The following ERBB4 variants were observed in gnomAD, a reference collection of about 807,000 sequenced individuals.
The protein encoded by ERBB4 is receptor tyrosine-protein kinase erbB-4.
ERBB4 carries 42 observed loss-of-function variants against 158.0 expected under a neutral mutation model. That is an observed-to-expected ratio of 0.27 (90% CI 0.21 to 0.34). The LOEUF (loss-of-function observed/expected upper bound fraction) is 0.34. ERBB4 is among the 10% of genes least tolerant of loss of function. The pLI, the probability that ERBB4 is intolerant of heterozygous loss-of-function variation, is 1.00. For synonymous variants in ERBB4, 583 were observed against 558.7 expected, an observed-to-expected ratio of 1.04 and a Z score of -0.61; for missense variants, 1,333 against 1,624.1, an observed-to-expected ratio of 0.82 and a Z score of 3.08.
At chr2:211,730,727 G>C (rs1419918320) in intron 5 of ERBB4, among the ~76,000 whole-genome samples, 1 of 151,988 alleles carries the variant, frequency 6.6e-6, no homozygotes, top group Non-Finnish European at 1.5e-5. Flanking sequence ...GCAGAATATA[G>C]AGTAGTTTCA....
At chr2:212,231,101 T>C (rs1469494665) in intron 1 of ERBB4, among the ~76,000 whole-genome samples, 1 of 152,170 alleles carries the variant, frequency 6.6e-6, no homozygotes, top group African/African-American at 2.4e-5. Flanking sequence ...AAATACCTTA[T>C]TTCAATGATT....
At chr2:212,240,860 T>C (rs2106013906) in intron 1 of ERBB4, among the ~76,000 whole-genome samples, 1 of 152,102 alleles carries the variant, frequency 6.6e-6, no homozygotes, top group Non-Finnish European at 1.5e-5. Context: ...AAGCCTTCCA[T>C]GTCTTGCAAG....
In ERBB4 at chr2:211,725,059, A is replaced by G. The variant is rs370214688; in HGVS notation, c.741+17T>C. ...AAAGGAGAGCAGGATAATAAAAGAGAGAAATCACAGACATACAAAGCAGTC... is the reference window on the plus strand; with the variant it reads ...AAAGGAGAGCAGGATAATAAAAGAGGGAAATCACAGACATACAAAGCAGTC... On this transcript the variant is annotated intron_variant, in intron 6 of 27. Coordinates refer to ENST00000342788, the MANE Select transcript of ERBB4 (RefSeq NM_005235.3). The G allele has an allele frequency of 5.3e-6, 8 of 1,499,360 alleles. No individual in the cohort carries two copies. The African/African-American group carries it at 1.1e-4, about 21-fold the overall frequency. The allele number at this position is 1,499,360 out of a possible 1,614,324, so 92.9% of individuals were successfully genotyped here. A position where few individuals can be genotyped will look rare whatever the true frequency, so the allele number is the denominator to read the frequency against.
At chr2:211,722,930 C>G (rs999851231) in intron 6 of ERBB4, among the ~76,000 whole-genome samples, 3 of 152,180 alleles carry the variant, frequency 2.0e-5, no homozygotes, top group African/African-American at 7.2e-5. Context: ...TTAAAGAGTT[C>G]CATATCCCAA....
At chr2:211,640,982 T>C (rs115322958) in intron 16 of ERBB4, among the ~76,000 whole-genome samples, 38 of 152,266 alleles carry the variant, frequency 2.5e-4, no homozygotes, top group African/African-American at 7.9e-4. Context: ...GAGAAGTTTT[T>C]AGTTCTTTTT....
chr2:211,776,833 A>G (rs1432941047), intron 4 of ERBB4, among the ~76,000 whole-genome samples: 2 of 152,150 alleles, frequency 1.3e-5, no homozygotes, highest in African/African-American at 2.4e-5. Context: ...AAGGTATTAT[A>G]TTAGTATTAG....
intron 2 of ERBB4, among the ~76,000 whole-genome samples, chr2:212,051,272 T>C (rs2077391050): frequency 6.6e-6 from 1 of 152,138 alleles, no homozygotes; most frequent in Non-Finnish European, 1.5e-5. Context: ...TATTTTAAAG[T>C]AATGTCTTTA....
At chr2:212,053,433 C>T (rs904022239) in intron 2 of ERBB4, among the ~76,000 whole-genome samples, 2 of 152,116 alleles carry the variant, frequency 1.3e-5, no homozygotes, top group Non-Finnish European at 2.9e-5. Context: ...TCCTCTGCCA[C>T]CTCATAGTAT....
At chr2:211,419,694 A>T (rs896191696) in intron 25 of ERBB4, among the ~76,000 whole-genome samples, 41 of 152,090 alleles carry the variant, frequency 2.7e-4, no homozygotes, top group Admixed American at 2.1e-3. Context: ...CAGAAGTTGT[A>T]TCAAAATTCT....
intron 1 of ERBB4, among the ~76,000 whole-genome samples, chr2:212,284,811 G>C (rs1574597053): frequency 6.6e-6 from 1 of 151,956 alleles, no homozygotes; most frequent in African/African-American, 2.4e-5. Context: ...CTGCATAAAG[G>C]TGTTTACAAA....
chr2:212,089,563 G>A (rs913872071), intron 2 of ERBB4, among the ~76,000 whole-genome samples: 4 of 152,116 alleles, frequency 2.6e-5, no homozygotes, highest in African/African-American at 9.7e-5. Flanking sequence ...CTGCTCATGA[G>A]ATCTGGTTGT....
chr2:211,892,858 G>A (rs575644638), intron 3 of ERBB4, among the ~76,000 whole-genome samples: 1,564 of 142,548 alleles, frequency 0.011, 157 homozygotes, highest in African/African-American at 0.042. Context: ...TACAAGGGAT[G>A]TGAAGGACCT....
In ERBB4 at chr2:211,769,147, G is replaced by A. The variant is rs367883977; in HGVS notation, c.557-18443C>T. On this transcript the variant is annotated intron_variant, in intron 4 of 27. Transcript: ENST00000342788. ...AGTTCCCCAGGTCTCTAGGGCAGGGGCAAAATGCTGCCAGTCTCTTTGCTA... is the reference window on the plus strand; with the variant it reads ...AGTTCCCCAGGTCTCTAGGGCAGGGACAAAATGCTGCCAGTCTCTTTGCTA... Among the ~76,000 whole-genome samples the A allele has an allele frequency of 8.4e-4, 128 of 152,230 alleles. 2 individuals carry two copies. Among genetic ancestry groups the A allele is most frequent in the African/African-American group, 2.9e-3 (121 of 41,540 alleles).
intron 20 of ERBB4, among the ~76,000 whole-genome samples, chr2:211,505,293 AT>A (rs2065716299): frequency 6.7e-6 from 1 of 148,586 alleles, no homozygotes; most frequent in Non-Finnish European, 1.5e-5. Context: ...CTGTGGAACT[AT>A]TTTTTAACCT....
intron 20 of ERBB4, among the ~76,000 whole-genome samples, chr2:211,487,677 G>A (rs2065240883): frequency 6.6e-6 from 1 of 151,818 alleles, no homozygotes; most frequent in South Asian, 2.1e-4. Flanking sequence ...CTGGTAAAGT[G>A]ATTCAGAAGC....
chr2:211,533,010 G>C (rs1327520909), intron 20 of ERBB4, among the ~76,000 whole-genome samples: 1 of 129,180 alleles, frequency 7.7e-6, no homozygotes, highest in Non-Finnish European at 1.6e-5. Context: ...AAAAATATTT[G>C]ACATTAACAT....
At chr2:212,059,676 A>G (rs1438644814) in intron 2 of ERBB4, among the ~76,000 whole-genome samples, 1 of 152,224 alleles carries the variant, frequency 6.6e-6, no homozygotes, top group Non-Finnish European at 1.5e-5. Context: ...AAACCTGACA[A>G]AAACAAGAAA....
intron 1 of ERBB4, among the ~76,000 whole-genome samples, chr2:212,134,938 G>C (rs949728792): frequency 6.6e-6 from 1 of 151,820 alleles, no homozygotes; most frequent in Admixed American, 6.6e-5. Context: ...CGCCTGCCTC[G>C]GCCTCCCAAA....
In ERBB4 at chr2:211,408,660, G is replaced by A. The variant is rs566012406; in HGVS notation, c.3135+11781C>T. 2.0e-5 allele frequency among the ~76,000 whole-genome samples: 3 copies of A among 152,294 alleles called. No individual in the cohort carries two copies. The East Asian group carries it at 5.8e-4, about 29-fold the overall frequency. On this transcript the variant is annotated intron_variant, in intron 25 of 27. Transcript: ENST00000342788. ...AAGCTACAAACAATAAGCACAAGTT[G>A]TTCTTTCAGGTGAATCATTATTTAC...
Sources: allele counts gnomAD v4.1 joint callset (sites outside exome capture counted in the v4.1 genomes callset), GRCh38; gene constraint gnomAD v4.1.1; transcripts MANE v1.5; gene names NCBI Gene and HGNC (gene_info 2026-07-23, HGNC 2026-07-21).